ZNF487: variants seen among roughly 807,000 people sequenced by gnomAD.
ZNF487 encodes the protein zinc finger protein 487.
ZNF487 carries 4 observed loss-of-function variants against 3.0 expected under a neutral mutation model. That is an observed-to-expected ratio of 1.35 (90% CI 0.66 to 3.08). ZNF487 has a LOEUF of 3.08. ZNF487 is among the 30% of genes most tolerant of loss of function. The pLI, the probability that ZNF487 is intolerant of heterozygous loss-of-function variation, is 0.01. For synonymous variants in ZNF487, 55 were observed against 34.6 expected (o/e 1.59, Z -2.06); for missense variants, 146 against 98.7 (o/e 1.48, Z -2.03).
At chr10:43,515,602 C>T in the ZNF487 span, among the ~76,000 whole-genome samples, 1 of 152,202 alleles carries the variant, frequency 6.6e-6, no homozygotes, top group African/African-American at 2.4e-5. Context: ...AGATACCTAG[C>T]GTGGCTGTGC....
intron 1 of ZNF487, among the ~76,000 whole-genome samples, chr10:43,459,149 T>G (rs373036665): frequency 6.6e-6 from 1 of 152,168 alleles, no homozygotes; most frequent in African/African-American, 2.4e-5. Context: ...AATTATTTCT[T>G]TTCTGTCTTG....
At chr10:43,475,506 C>G (rs1027535083) in intron 1 of ZNF487, among the ~76,000 whole-genome samples, 1 of 151,398 alleles carries the variant, frequency 6.6e-6, no homozygotes, top group African/African-American at 2.4e-5. Flanking sequence ...TAGCGCAAGA[C>G]CCCGTCTGAA....
chr10:43,476,883 AATTTGCTGCTAAATTGG>A (rs1841118983), intron 3 of ZNF487, among the ~76,000 whole-genome samples: 1 of 152,166 alleles, frequency 6.6e-6, no homozygotes, highest in Non-Finnish European at 1.5e-5. Flanking sequence ...GCCAAAACAG[AATTTGCTGCTAAATTGG>A]ATTATGGGTA....
intron 3 of ZNF487, 125 bp from the exon 4 acceptor site, chr10:43,481,304 G>T (rs34634785): frequency 0.033 from 20,022 of 604,668 alleles, 433 homozygotes; most frequent in Non-Finnish European, 0.04. Context: ...GCACAATCCA[G>T]CCTGGGTGAC....
intron 1 of ZNF487, among the ~76,000 whole-genome samples, chr10:43,446,303 G>A (rs978428806): frequency 6.6e-6 from 1 of 151,034 alleles, no homozygotes; most frequent in African/African-American, 2.4e-5. Flanking sequence ...GCTGGGCGGG[G>A]GCGCCCCCCA....
At chr10:43,452,781 CAGGTTTTGGGTGGGGA>C (rs886349589) in intron 1 of ZNF487, 1 of 151,844 alleles carries the variant, frequency 6.6e-6, no homozygotes, top group African/African-American at 2.4e-5. Context: ...TTTGAAAAAC[CAGGTTTTGGGTGGGGA>C]ATCTATCTCG....
At chr10:43,514,596 T>G in the ZNF487 span, among the ~76,000 whole-genome samples, 2 of 152,212 alleles carry the variant, frequency 1.3e-5, no homozygotes, top group African/African-American at 4.8e-5. Flanking sequence ...TTAGTCAGGA[T>G]CTTCTGATTG....
chr10:43,503,128 T>C, the ZNF487 span, among the ~76,000 whole-genome samples: 1 of 151,744 alleles, frequency 6.6e-6, no homozygotes, highest in African/African-American at 2.4e-5. Context: ...GGCAGCTTTA[T>C]GTGTGTGTTA....
chr10:43,512,774 A>G, the ZNF487 span, among the ~76,000 whole-genome samples: 2 of 152,194 alleles, frequency 1.3e-5, no homozygotes, highest in Non-Finnish European at 2.9e-5. Context: ...CAAAACTGAC[A>G]GCCTTTCGGG....
the ZNF487 span, among the ~76,000 whole-genome samples, chr10:43,502,096 C>T: frequency 1.7e-4 from 26 of 152,052 alleles, no homozygotes; most frequent in African/African-American, 5.3e-4. Context: ...ATGTTTATTG[C>T]GGCACTATTC....
At position 43,471,592 on chromosome 10, in the gene ZNF487, AT is replaced by A. The variant is rs755731027; in HGVS notation, c.-93-4125del. 4.6e-5 allele frequency among the ~76,000 whole-genome samples: 7 copies of A among 152,254 alleles called. No individual in the cohort carries two copies. In the East Asian group the frequency reaches 1.2e-3, roughly 25 times the overall value. ...AACTGAAGGATGGTGAAGTCAGAGA[AT>A]TTTATTGAGCAATGAAAATGGCTCT... On this transcript the variant is annotated intron_variant, in intron 1 of 3. Coordinates refer to ENST00000437590, the MANE Select transcript of ZNF487 (RefSeq NM_001355444.3).
chr10:43,495,346 C>T, the ZNF487 span, among the ~76,000 whole-genome samples: 3 of 152,060 alleles, frequency 2.0e-5, no homozygotes, highest in East Asian at 3.9e-4. Context: ...CAGGTTCAAG[C>T]GATTCTCCCA....
chr10:43,488,172 ATG>A (rs1229528352), downstream of ZNF487, among the ~76,000 whole-genome samples: 1 of 151,996 alleles, frequency 6.6e-6, no homozygotes, highest in Non-Finnish European at 1.5e-5. Context: ...TAAATTACTT[ATG>A]ATATATAATC....
At chr10:43,503,125 T>C in the ZNF487 span, among the ~76,000 whole-genome samples, 1 of 151,890 alleles carries the variant, frequency 6.6e-6, no homozygotes, top group African/African-American at 2.4e-5. Flanking sequence ...GATGGCAGCT[T>C]TATGTGTGTG....
chr10:43,471,915 G>A (rs1046802551), intron 1 of ZNF487, among the ~76,000 whole-genome samples: 1 of 152,196 alleles, frequency 6.6e-6, no homozygotes. Flanking sequence ...TATAAAATAG[G>A]TGAAGAGTGG....
chr10:43,453,707 T>C (rs546620962), intron 1 of ZNF487: 1 of 152,336 alleles, frequency 6.6e-6, no homozygotes, highest in East Asian at 1.9e-4. Context: ...TTACTGATCA[T>C]GACATGCATT....
At chr10:43,468,910 AC>A (rs1207536959) in intron 1 of ZNF487, among the ~76,000 whole-genome samples, 1 of 146,442 alleles carries the variant, frequency 6.8e-6, no homozygotes, top group Non-Finnish European at 1.5e-5. Flanking sequence ...AATGGTGTGA[AC>A]CCAGGAGGCA....
the ZNF487 span, among the ~76,000 whole-genome samples, chr10:43,488,577 C>G: frequency 2.4e-4 from 37 of 152,112 alleles, 1 homozygote; most frequent in South Asian, 7.7e-3. Flanking sequence ...GAAAGTACAC[C>G]TAATAACAAA....
chr10:43,462,835 T>C (rs1436655672), intron 1 of ZNF487, among the ~76,000 whole-genome samples: 2 of 151,752 alleles, frequency 1.3e-5, no homozygotes, highest in Admixed American at 6.6e-5. Context: ...AGTGGCATGA[T>C]CTTAGCTCAT....
Sources: allele counts gnomAD v4.1 joint callset (sites outside exome capture counted in the v4.1 genomes callset), GRCh38; gene constraint gnomAD v4.1.1; transcripts MANE v1.5; gene names NCBI Gene and HGNC (gene_info 2026-07-23, HGNC 2026-07-21).